ULK2: variants seen among roughly 807,000 people sequenced by gnomAD.
ULK2 encodes serine/threonine-protein kinase ULK2.
In ULK2, 76 loss-of-function variants were observed where a neutral mutation model predicts 127.5. The observed-to-expected ratio is 0.60, with a 90% CI of 0.50 to 0.72. The LOEUF (loss-of-function observed/expected upper bound fraction) is 0.72. Ranked by LOEUF, ULK2 falls within the 30% of genes least tolerant of loss-of-function variation. The pLI, the probability that ULK2 is intolerant of heterozygous loss-of-function variation, is 0.00. For missense variants in ULK2, 1,144 were observed against 1,295.9 expected (o/e 0.88, Z 1.80); for synonymous variants, 452 against 461.9 (o/e 0.98, Z 0.28).
intron 8 of ULK2, 141 bp downstream of exon 8, chr17:19,842,980 T>A: frequency 1.4e-6 from 1 of 736,900 alleles, no homozygotes; most frequent in South Asian, 1.7e-5. Context: ...ACTAAAGCAG[T>A]TTTTGCCTAT....
intron 26 of ULK2, among the ~76,000 whole-genome samples, 184 bp downstream of exon 26, chr17:19,777,397 G>A (rs1410767053): frequency 6.6e-6 from 1 of 152,178 alleles, no homozygotes; most frequent in African/African-American, 2.4e-5. Flanking sequence ...GAGACACTGT[G>A]CCTGGCCCTA....
chr17:19,794,956 A>G (rs140160584), intron 20 of ULK2, among the ~76,000 whole-genome samples: 1 of 151,808 alleles, frequency 6.6e-6, no homozygotes, highest in Non-Finnish European at 1.5e-5. Flanking sequence ...GCGGGCGCCT[A>G]TAGTCCCAAC....
chr17:19,816,207 C>T (rs157401), intron 13 of ULK2, among the ~76,000 whole-genome samples: 146,327 of 152,320 alleles, frequency 0.96, 70,475 homozygotes, highest in African/African-American at 0.99. Context: ...CAAACCATGG[C>T]TCCTTCTTTT....
chr17:19,821,480 G>A (rs2041142733), intron 12 of ULK2, among the ~76,000 whole-genome samples: 1 of 152,062 alleles, frequency 6.6e-6, no homozygotes, highest in African/African-American at 2.4e-5. Flanking sequence ...ATATTTACAT[G>A]AGAATGTAAA....
chr17:19,819,661 T>C (rs1382954766), intron 12 of ULK2, among the ~76,000 whole-genome samples: 1 of 152,148 alleles, frequency 6.6e-6, no homozygotes, highest in African/African-American at 2.4e-5. Flanking sequence ...ACCTTTATAT[T>C]CCAAAGCACT....
At chr17:19,792,658 C>T (rs1019655763) in intron 20 of ULK2, among the ~76,000 whole-genome samples, 2 of 152,086 alleles carry the variant, frequency 1.3e-5, no homozygotes, top group Non-Finnish European at 2.9e-5. Flanking sequence ...TCTCTCAGAG[C>T]TTGCAGTGAG....
At chr17:19,786,732 A>C (rs2152383020) in intron 20 of ULK2, among the ~76,000 whole-genome samples, 1 of 150,372 alleles carries the variant, frequency 6.7e-6, no homozygotes, top group Non-Finnish European at 1.5e-5. Context: ...AAAAAAAAGA[A>C]AGAAAAGAAA....
At chr17:19,852,518 C>CA (rs1241027121) in intron 3 of ULK2, among the ~76,000 whole-genome samples, 1,647 of 54,028 alleles carry the variant, frequency 0.03, 40 homozygotes, top group African/African-American at 0.073. Flanking sequence ...GACTCCATCT[C>CA]AAAAAAAAAA....
intron 17 of ULK2, among the ~76,000 whole-genome samples, chr17:19,798,712 C>T (rs2087327880): frequency 6.6e-6 from 1 of 152,172 alleles, no homozygotes; most frequent in Admixed American, 6.5e-5. Context: ...ATTCCTTTAA[C>T]TGGCCAACTC....
intron 3 of ULK2, among the ~76,000 whole-genome samples, chr17:19,853,281 G>A (rs1476771492): frequency 2.0e-5 from 3 of 151,314 alleles, no homozygotes; most frequent in African/African-American, 7.3e-5. Flanking sequence ...GACCACAGGT[G>A]TGCACCACCA....
chr17:19,856,133 C>G (rs2042121117), intron 3 of ULK2: 1 of 152,230 alleles, frequency 6.6e-6, no homozygotes, highest in South Asian at 2.1e-4. Context: ...TCCATCACCC[C>G]AAGAAGTTCT....
rs1442094451 is a variant in ULK2, at chr17:19,846,847, C to T, written c.359G>A (p.Arg120Gln). ...GATGATTCCTTTGCTGTGCAGGATT[C>T]GCATGGCAGCAGCAATCTGATGCAG... ...VFLHQIAAAM[R>Q]ILHSKGIIHR... The change falls in exon 6 of 27, where the codon CGA becomes CAA. Residue 120 changes from arginine (R) to glutamine (Q), a missense_variant. Coordinates refer to ENST00000395544, the MANE Select transcript of ULK2 (RefSeq NM_014683.4). The T allele has an allele frequency of 5.0e-6, 8 of 1,613,752 alleles. No homozygotes were observed. Among genetic ancestry groups the T allele is most frequent in the South Asian group, 4.4e-5 (4 of 91,008 alleles).
chr17:19,841,624 CT>C (rs968901657), intron 8 of ULK2, 77 bp from the exon 9 acceptor site: 876 of 1,122,466 alleles, frequency 7.8e-4, no homozygotes, highest in Non-Finnish European at 8.6e-4. Flanking sequence ...CACTCATATG[CT>C]TTTTTTTTAA....
In ULK2 at chr17:19,844,094, A is replaced by G. The variant is rs115553483; in HGVS notation, c.544-872T>C. Among the ~76,000 whole-genome samples the G allele has an allele frequency of 3.8e-3, 577 of 152,318 alleles. 4 individuals carry two copies. Among genetic ancestry groups the G allele is most frequent in the African/African-American group, 0.013 (553 of 41,574 alleles). On this transcript the variant is annotated intron_variant, in intron 7 of 26. Transcript: ENST00000395544. ...GTAATCTGAATACTTTTATAGTAAT[A>G]GAAAAACTATGATGCAAAACCCCAC... is the stretch of plus-strand genomic sequence containing the variant.
chr17:19,817,087 C>G (rs2041008578), intron 12 of ULK2, among the ~76,000 whole-genome samples, 167 bp from the exon 13 acceptor site: 1 of 152,040 alleles, frequency 6.6e-6, no homozygotes, highest in South Asian at 2.1e-4. Flanking sequence ...TTTAGAAAAC[C>G]TTTCTTTTAA....
At chr17:19,864,874 G>A in intron 2 of ULK2, 30 bp from the exon 3 acceptor site, 1 of 1,103,768 alleles carries the variant, frequency 9.1e-7, no homozygotes, top group Non-Finnish European at 1.2e-6. Context: ...TGAAAAATAT[G>A]TAAGTATTCT....
chr17:19,847,041 T>A, intron 5 of ULK2, 131 bp from the exon 6 acceptor site: 1 of 832,686 alleles, frequency 1.2e-6, no homozygotes, highest in South Asian at 2.5e-5. Flanking sequence ...ATTTATTTAT[T>A]TTTTTAACTT....
chr17:19,828,318 A>G (rs2041346698), intron 10 of ULK2, among the ~76,000 whole-genome samples: 1 of 152,218 alleles, frequency 6.6e-6, no homozygotes, highest in Non-Finnish European at 1.5e-5. Flanking sequence ...ACATGAAGAC[A>G]TGAAGATCTC....
intron 20 of ULK2, among the ~76,000 whole-genome samples, chr17:19,795,347 T>TAAAAAAAAA (rs755484577): frequency 1.2e-5 from 1 of 82,756 alleles, no homozygotes; most frequent in South Asian, 6.3e-4. Context: ...ACCCTACTGA[T>TAAAAAAAAA]AAAAAAAAAA....
Sources: gnomAD v4.1 joint callset for allele counts (sites outside exome capture counted in the v4.1 genomes callset) on GRCh38, gnomAD v4.1.1 for gene constraint, MANE v1.5 for transcripts, NCBI Gene and HGNC (gene_info 2026-07-23, HGNC 2026-07-21) for gene names.